TMEFF1: variants seen among roughly 807,000 people sequenced by gnomAD.
TMEFF1 encodes the protein tomoregulin-1.
Under a neutral mutation model 47.5 loss-of-function variants are expected in TMEFF1, and 20 were observed. The ratio of observed to expected loss-of-function variants is 0.42; its 90% CI spans 0.30 to 0.61. The LOEUF (loss-of-function observed/expected upper bound fraction) is 0.61, where lower values mean the gene tolerates loss of function less well. Among genes scored for constraint, TMEFF1 ranks in the 20% least tolerant of loss-of-function variants. The probability of loss-of-function intolerance (pLI) is 0.19; values close to 1 mark genes in which losing one functional copy is unlikely to be tolerated. For synonymous variants in TMEFF1, 162 were observed against 166.3 expected (o/e 0.97, Z 0.20); for missense variants, 411 against 471.1 (o/e 0.87, Z 1.18).
chr9:100,561,621 A>G, intron 8 of TMEFF1, 101 bp downstream of exon 8: 1 of 1,375,436 alleles, frequency 7.3e-7, no homozygotes, highest in Non-Finnish European at 9.4e-7. Context: ...ACCAGAAAGT[A>G]GTGTTTATTT....
chr9:100,522,883 C>T (rs576277731), intron 5 of TMEFF1, among the ~76,000 whole-genome samples: 21 of 152,030 alleles, frequency 1.4e-4, no homozygotes, highest in Non-Finnish European at 1.9e-4. Context: ...CACAGGTGCC[C>T]GCCACCACAC....
chr9:100,561,043 C>T (rs1839004079), intron 7 of TMEFF1, among the ~76,000 whole-genome samples: 1 of 152,178 alleles, frequency 6.6e-6, no homozygotes, highest in Non-Finnish European at 1.5e-5. Flanking sequence ...TCTATGTACA[C>T]CATCTGTCTG....
intron 2 of TMEFF1, among the ~76,000 whole-genome samples, chr9:100,505,717 A>G (rs750370401): frequency 5.3e-5 from 8 of 152,278 alleles, no homozygotes; most frequent in South Asian, 4.1e-4. Flanking sequence ...CCGTCTGTCA[A>G]TGTGACAACC....
intron 4 of TMEFF1, among the ~76,000 whole-genome samples, chr9:100,514,435 TG>T (rs1838025733): frequency 6.6e-6 from 1 of 152,104 alleles, no homozygotes; most frequent in Non-Finnish European, 1.5e-5. Flanking sequence ...ATCTTAGAGC[TG>T]GAACAGATTT....
intron 5 of TMEFF1, among the ~76,000 whole-genome samples, chr9:100,524,111 A>G (rs972981105): frequency 1.3e-5 from 2 of 151,920 alleles, no homozygotes; most frequent in African/African-American, 4.8e-5. Flanking sequence ...GGGGTATTTT[A>G]TGTATGTGCA....
rs1313287805 is a variant in TMEFF1 at position 100,550,089 on chromosome 9, T to C, written c.710-6T>C. On this transcript the variant is annotated splice_polypyrimidine_tract_variant and splice_region_variant and intron_variant, in intron 6 of 9. Transcript: ENST00000374879. ...ATTTTAATTTGAAAACCGTCTTCTC[T>C]TACAGATACAGATGACACTAGTTTG... 3 of 1,607,738 alleles carry C rather than the reference T, an allele frequency of 1.9e-6. No individual in the cohort carries two copies. The highest frequency in any genetic ancestry group is 2.7e-5 in the African/African-American group (2 of 74,718).
At chr9:100,562,439 C>T (rs77527619) in intron 8 of TMEFF1, among the ~76,000 whole-genome samples, 6,179 of 151,862 alleles carry the variant, frequency 0.041, 405 homozygotes, top group African/African-American at 0.14. Context: ...CTGCCTTTCT[C>T]CTGCTTAAAA....
At chr9:100,493,285 T>C (rs1008261925) in intron 1 of TMEFF1, among the ~76,000 whole-genome samples, 2 of 152,208 alleles carry the variant, frequency 1.3e-5, no homozygotes, top group African/African-American at 2.4e-5. Flanking sequence ...TGTTGTAACA[T>C]CTAATGAAGT....
intron 1 of TMEFF1, among the ~76,000 whole-genome samples, chr9:100,485,898 T>C (rs147048215): frequency 5.3e-5 from 8 of 152,330 alleles, no homozygotes; most frequent in African/African-American, 1.7e-4. Flanking sequence ...TTTTAAAAAG[T>C]ATCATGTATT....
intron 5 of TMEFF1, among the ~76,000 whole-genome samples, chr9:100,539,542 G>C (rs1298593876): frequency 6.6e-6 from 1 of 152,262 alleles, no homozygotes; most frequent in East Asian, 1.9e-4. Context: ...AGCTCTTAAA[G>C]GCAGCGCGTC....
At chr9:100,489,698 C>T (rs1374782274) in intron 1 of TMEFF1, among the ~76,000 whole-genome samples, 2 of 152,046 alleles carry the variant, frequency 1.3e-5, no homozygotes, top group Non-Finnish European at 2.9e-5. Context: ...GTTTGTGTTA[C>T]ATACATTTTA....
At chr9:100,553,358 T>C (rs1394560119) in intron 7 of TMEFF1, among the ~76,000 whole-genome samples, 1 of 152,182 alleles carries the variant, frequency 6.6e-6, no homozygotes, top group Non-Finnish European at 1.5e-5. Flanking sequence ...CCTTAGTAAA[T>C]ATCCACGTCT....
chr9:100,474,889 T>C (rs2118214223), intron 1 of TMEFF1, among the ~76,000 whole-genome samples: 1 of 152,218 alleles, frequency 6.6e-6, no homozygotes, highest in Middle Eastern at 3.4e-3. Flanking sequence ...CCTCTTCATT[T>C]CTAAAGGGGT....
intron 5 of TMEFF1, among the ~76,000 whole-genome samples, chr9:100,543,704 AACACACACAC>A (rs36046142): frequency 6.2e-4 from 86 of 138,932 alleles, no homozygotes; most frequent in East Asian, 2.8e-3. Flanking sequence ...GATGAAGTAA[AACACACACAC>A]ACACACACAC....
chr9:100,504,926 A>G lies in TMEFF1; in HGVS notation c.307-4079A>G, dbSNP rs189777882. On this transcript the variant is annotated intron_variant, in intron 2 of 9. Transcript: ENST00000374879. ...TCTTTACTATCCTTAGAAGAAATTC[A>G]CGGATAAATTAACCTACATAAACAC... Among the ~76,000 whole-genome samples the G allele has an allele frequency of 7.1e-4, 108 of 152,364 alleles. 1 individual carries two copies. Among genetic ancestry groups the G allele is most frequent in the Middle Eastern group, 3.4e-3 (1 of 294 alleles).
At chr9:100,494,228 A>G (rs1243055396) in intron 1 of TMEFF1, among the ~76,000 whole-genome samples, 1 of 151,438 alleles carries the variant, frequency 6.6e-6, no homozygotes, top group African/African-American at 2.4e-5. Flanking sequence ...AAAAAAAAAA[A>G]AAGTAAGGTG....
intron 9 of TMEFF1, among the ~76,000 whole-genome samples, chr9:100,574,079 C>T (rs149241846): frequency 6.6e-6 from 1 of 152,358 alleles, no homozygotes; most frequent in Admixed American, 6.5e-5. Context: ...TCATTCTTTA[C>T]ACTGAAAGGT....
chr9:100,505,434 A>C (rs977481471), intron 2 of TMEFF1, among the ~76,000 whole-genome samples: 35 of 150,640 alleles, frequency 2.3e-4, no homozygotes, highest in Non-Finnish European at 2.4e-4. Flanking sequence ...AAAAAAAAAA[A>C]AAAAAAACAA....
At chr9:100,508,052 G>A (rs1489380967) in intron 2 of TMEFF1, among the ~76,000 whole-genome samples, 1 of 152,116 alleles carries the variant, frequency 6.6e-6, no homozygotes, top group Non-Finnish European at 1.5e-5. Flanking sequence ...GTTGGAAATA[G>A]CATCTCATCT....
Sources: gnomAD v4.1 joint callset for allele counts (sites outside exome capture counted in the v4.1 genomes callset) on GRCh38, gnomAD v4.1.1 for gene constraint, MANE v1.5 for transcripts, NCBI Gene and HGNC (gene_info 2026-07-23, HGNC 2026-07-21) for gene names.